Variants in NLGN1 observed in about 807,000 individuals in gnomAD.
The protein encoded by NLGN1 is neuroligin 1.
NLGN1 carries 12 observed loss-of-function variants against 65.5 expected under a neutral mutation model. The observed-to-expected ratio is 0.18, with a 90% CI of 0.12 to 0.30. The LOEUF (loss-of-function observed/expected upper bound fraction) is 0.30, where lower values mean the gene tolerates loss of function less well. Among genes scored for constraint, NLGN1 ranks in the 10% least tolerant of loss-of-function variants. NLGN1 has a pLI of 1.00. For synonymous variants in NLGN1, 350 were observed against 359.5 expected (o/e 0.97, Z 0.30); for missense variants, 750 against 1,007.1 (o/e 0.74, Z 3.46).
intron 2 of NLGN1, among the ~76,000 whole-genome samples, chr3:173,440,217 A>C (rs912475504): frequency 1.3e-5 from 2 of 152,092 alleles, no homozygotes; most frequent in African/African-American, 4.8e-5. Flanking sequence ...CTCTACTTTT[A>C]ATTCTAGTTT....
At chr3:173,885,281 A>G (rs770431001) in intron 4 of NLGN1, among the ~76,000 whole-genome samples, 3 of 152,114 alleles carry the variant, frequency 2.0e-5, no homozygotes, top group Non-Finnish European at 4.4e-5. Context: ...GAACATATTC[A>G]TATACAGTGT....
intron 4 of NLGN1, among the ~76,000 whole-genome samples, chr3:173,842,588 G>A (rs933916715): frequency 6.6e-6 from 1 of 152,168 alleles, no homozygotes; most frequent in Non-Finnish European, 1.5e-5. Flanking sequence ...CAGGCTTCAT[G>A]CAAGTCTGAA....
At position 173,994,573 on chromosome 3, in the gene NLGN1, T is replaced by C. The variant is rs138115188; in HGVS notation, c.646+186741T>C. Among the ~76,000 whole-genome samples the C allele has an allele frequency of 1.3e-3, 203 of 151,498 alleles. 2 individuals are homozygous for C. The highest frequency in any genetic ancestry group is 6.9e-3 in the Middle Eastern group (2 of 290). ...ATTTAGTTCTTTGTCTTACATCTGA[T>C]GGCAAAATTTTAAGCTCATGCGTGA... On this transcript the variant is annotated intron_variant, in intron 4 of 6. Coordinates refer to ENST00000457714, the Ensembl canonical transcript of NLGN1.
At chr3:173,773,429 C>A (rs1317107083) in intron 3 of NLGN1, among the ~76,000 whole-genome samples, 1 of 152,156 alleles carries the variant, frequency 6.6e-6, no homozygotes, top group African/African-American at 2.4e-5. Context: ...AATGACCTAG[C>A]AGTTTCACCT....
At chr3:173,545,858 A>G (rs950281000) in intron 2 of NLGN1, among the ~76,000 whole-genome samples, 3 of 151,682 alleles carry the variant, frequency 2.0e-5, no homozygotes, top group Non-Finnish European at 4.4e-5. Context: ...AAAACCAAAC[A>G]CCACATGTTT....
chr3:174,085,170 A>G (rs996353626), intron 4 of NLGN1, among the ~76,000 whole-genome samples: 1 of 149,834 alleles, frequency 6.7e-6, no homozygotes, highest in South Asian at 2.1e-4. Flanking sequence ...ACAAAATGTT[A>G]GGTGTAGTTG....
chr3:173,632,958 A>G (rs1218888938), intron 3 of NLGN1, among the ~76,000 whole-genome samples: 1 of 149,878 alleles, frequency 6.7e-6, no homozygotes, highest in Non-Finnish European at 1.5e-5. Context: ...CAAGCAAACT[A>G]TCTTGGTGGC....
At chr3:173,415,875 A>C (rs1023834953) in intron 1 of NLGN1, among the ~76,000 whole-genome samples, 3 of 149,332 alleles carry the variant, frequency 2.0e-5, no homozygotes, top group Non-Finnish European at 4.4e-5. Context: ...TACCTGTGGA[A>C]CATTGCAAGG....
intron 3 of NLGN1, among the ~76,000 whole-genome samples, chr3:173,759,843 A>T (rs1281793806): frequency 6.6e-6 from 1 of 151,872 alleles, no homozygotes; most frequent in Non-Finnish European, 1.5e-5. Flanking sequence ...TTATTTTTAA[A>T]TTATTTCTAT....
chr3:173,722,659 G>C (rs1220394134), intron 3 of NLGN1, among the ~76,000 whole-genome samples: 1 of 152,140 alleles, frequency 6.6e-6, no homozygotes, highest in Non-Finnish European at 1.5e-5. Context: ...TCCAGAGTCT[G>C]TCACACATAA....
At chr3:174,073,422 A>T (rs1188161454) in intron 4 of NLGN1, among the ~76,000 whole-genome samples, 4 of 152,190 alleles carry the variant, frequency 2.6e-5, no homozygotes, top group Non-Finnish European at 4.4e-5. Context: ...TAGTTTCAGT[A>T]TGAACATTGA....
At position 173,569,957 on chromosome 3, in the gene NLGN1, G is replaced by T. The variant is rs115437907; in HGVS notation, c.-320-34322G>T. Among the ~76,000 whole-genome samples, 650 of 152,262 alleles carry T rather than the reference G, an allele frequency of 4.3e-3. 3 individuals carry two copies. The highest frequency in any genetic ancestry group is 0.02 in the Middle Eastern group (6 of 294). On this transcript the variant is annotated intron_variant, in intron 2 of 6. Coordinates refer to ENST00000457714, the Ensembl canonical transcript of NLGN1. ...CAAATTCTGATTATGATACTCAATA[G>T]ATTCAAAATGCTGGGGAACAAAGGT...
intron 4 of NLGN1, among the ~76,000 whole-genome samples, chr3:173,843,135 C>T (rs1439114681): frequency 1.3e-5 from 2 of 152,186 alleles, no homozygotes; most frequent in African/African-American, 2.4e-5. Context: ...AAGCTCTACT[C>T]CACATTTGCC....
chr3:174,102,385 C>A (rs1370188229), intron 4 of NLGN1, among the ~76,000 whole-genome samples: 1 of 152,038 alleles, frequency 6.6e-6, no homozygotes, highest in East Asian at 1.9e-4. Flanking sequence ...TTTGCTTTGA[C>A]AAATTCTAAC....
At chr3:174,195,876 C>A (rs766863169) in intron 4 of NLGN1, among the ~76,000 whole-genome samples, 1 of 152,098 alleles carries the variant, frequency 6.6e-6, no homozygotes, top group African/African-American at 2.4e-5. Context: ...CAACCATTTA[C>A]ATGGATTAGG....
intron 4 of NLGN1, among the ~76,000 whole-genome samples, chr3:174,086,906 T>A (rs1175425308): frequency 6.6e-6 from 1 of 152,152 alleles, no homozygotes; most frequent in East Asian, 1.9e-4. Context: ...TCTTTTAGCA[T>A]CCAAAATGTA....
intron 2 of NLGN1, among the ~76,000 whole-genome samples, chr3:173,515,513 T>C (rs1280442880): frequency 1.3e-5 from 2 of 152,142 alleles, no homozygotes; most frequent in Non-Finnish European, 2.9e-5. Flanking sequence ...TGTCTATTTT[T>C]GCTTTGGTTG....
At chr3:173,743,497 A>G (rs1468202275) in intron 3 of NLGN1, among the ~76,000 whole-genome samples, 2 of 152,174 alleles carry the variant, frequency 1.3e-5, no homozygotes, top group African/African-American at 2.4e-5. Flanking sequence ...ACTATCTAAT[A>G]TATCACAGCA....
intron 3 of NLGN1, among the ~76,000 whole-genome samples, chr3:173,606,868 T>G (rs1315984254): frequency 6.6e-6 from 1 of 151,924 alleles, no homozygotes; most frequent in Non-Finnish European, 1.5e-5. Flanking sequence ...AAGTCTCTTT[T>G]TTTCTGCAAA....
Sources: gnomAD v4.1 joint callset for allele counts (sites outside exome capture counted in the v4.1 genomes callset) on GRCh38, gnomAD v4.1.1 for gene constraint, MANE v1.5 for transcripts, NCBI Gene and HGNC (gene_info 2026-07-23, HGNC 2026-07-21) for gene names.